Variants in CDC42BPB observed in about 807,000 individuals in gnomAD.
CDC42BPB encodes the protein CDC42 binding protein kinase beta, also known as serine/threonine-protein kinase MRCK beta.
In CDC42BPB, 37 loss-of-function variants were observed where a neutral mutation model predicts 214.9. The ratio of observed to expected loss-of-function variants is 0.17; its 90% confidence interval spans 0.13 to 0.23. CDC42BPB has a LOEUF of 0.23. Ranked by LOEUF, CDC42BPB falls within the 10% of genes least tolerant of loss-of-function variation. The pLI, the probability that CDC42BPB is intolerant of heterozygous loss-of-function variation, is 1.00. For synonymous variants in CDC42BPB, 931 were observed against 884.0 expected (o/e 1.05, Z -0.94); for missense variants, 1,694 against 2,227.0 (o/e 0.76, Z 4.82).
intron 1 of CDC42BPB, among the ~76,000 whole-genome samples, chr14:103,043,337 C>T (rs924014585): frequency 6.6e-6 from 1 of 152,160 alleles, no homozygotes. Flanking sequence ...GTCCACACAA[C>T]GGAGTACTAT....
intron 1 of CDC42BPB, among the ~76,000 whole-genome samples, chr14:103,047,733 G>A (rs1238718673): frequency 3.3e-5 from 5 of 151,896 alleles, no homozygotes; most frequent in African/African-American, 1.2e-4. Context: ...GTGAAACCCT[G>A]TCTCTACTAA....
rs1355965084 is a variant in CDC42BPB, at chr14:102,944,058, G to A, written c.4241C>T (p.Pro1414Leu). The part of the protein sequence containing the change: ...QPLNLVNPND[P>L]SLAFLSQQSF... ...CTGTTGTGAGAGGAACGCAAGCGAG[G>A]GGTCATTGGGATTTACCAGGTTTAG... The change falls in exon 30 of 37, where the codon CCC becomes CTC. Residue 1414 changes from proline (P) to leucine (L), a missense_variant. This residue lies in a region of CDC42BPB where 567 missense variants were observed against 790.3 expected (regional missense o/e 0.72). Coordinates refer to ENST00000361246, the MANE Select transcript of CDC42BPB (RefSeq NM_006035.4). This position sits in a 1 kb window ranked among gnomAD's most constrained non-coding sequence, Gnocchi z 6.6. 2 of 1,613,588 alleles carry A rather than the reference G, an allele frequency of 1.2e-6. No individual in the cohort carries two copies. The highest frequency in any genetic ancestry group is 1.7e-6 in the Non-Finnish European group (2 of 1,179,998).
At chr14:103,016,952 T>C (rs908348580) in intron 1 of CDC42BPB, among the ~76,000 whole-genome samples, 2 of 152,028 alleles carry the variant, frequency 1.3e-5, no homozygotes, top group African/African-American at 4.8e-5. Flanking sequence ...AACCGCAAGG[T>C]GAGCCTGCAG....
chr14:102,934,741 G>A (rs912323058), intron 36 of CDC42BPB, among the ~76,000 whole-genome samples: 2 of 152,052 alleles, frequency 1.3e-5, no homozygotes, highest in East Asian at 1.9e-4. Flanking sequence ...GCCGGGTGCG[G>A]TGGCTCACAC....
chr14:102,992,533 G>A (rs1394562063), intron 5 of CDC42BPB, among the ~76,000 whole-genome samples: 3 of 152,134 alleles, frequency 2.0e-5, no homozygotes, highest in Non-Finnish European at 4.4e-5. Context: ...CCCAGCCTGC[G>A]CTGACAGCAC....
chr14:103,034,659 A>T (rs553439283), intron 1 of CDC42BPB, among the ~76,000 whole-genome samples: 1 of 152,234 alleles, frequency 6.6e-6, no homozygotes, highest in South Asian at 2.1e-4. Context: ...TCTCTACTGA[A>T]AATACAAAAT....
At chr14:102,981,605 A>AC (rs1167659151) in intron 7 of CDC42BPB, among the ~76,000 whole-genome samples, 2 of 152,150 alleles carry the variant, frequency 1.3e-5, no homozygotes, top group East Asian at 3.9e-4. Flanking sequence ...ACAAGGTGAA[A>AC]CCCTGTCTCT....
Position 102,944,916 on chromosome 14 carries a change from C to G in CDC42BPB, c.3812-429G>C, listed in dbSNP as rs1309151200. 1.3e-5 allele frequency among the ~76,000 whole-genome samples: 2 copies of G among 152,230 alleles called. No homozygotes were observed. The highest frequency in any genetic ancestry group is 2.4e-5 in the African/African-American group (1 of 41,464). The stretch of plus-strand genomic sequence containing the variant: ...GGGACAAAGAGCTGTCCCCAACCCA[C>G]TGGGACCCTGAGACAAATCCTCTGA... On this transcript the variant is annotated intron_variant, in intron 29 of 36. Transcript: ENST00000361246. This position sits in a 1 kb window ranked among gnomAD's most constrained non-coding sequence, Gnocchi z 6.6.
intron 1 of CDC42BPB, among the ~76,000 whole-genome samples, chr14:103,050,116 A>G (rs917934087): frequency 3.9e-5 from 6 of 152,200 alleles, no homozygotes; most frequent in Non-Finnish European, 7.3e-5. Context: ...AGGCAACAGA[A>G]TATGAAGGCA....
intron 4 of CDC42BPB, among the ~76,000 whole-genome samples, chr14:103,003,509 C>A (rs557935358): frequency 3.9e-4 from 60 of 152,350 alleles, no homozygotes; most frequent in Non-Finnish European, 5.4e-4. Flanking sequence ...GGCACCCCCC[C>A]CACCGCGGGA....
Position 102,933,405 on chromosome 14 carries a change from T to C in CDC42BPB, c.*307A>G. The C allele has an allele frequency of 3.6e-6, 1 of 280,138 alleles. No individual in the cohort carries two copies. The highest frequency in any genetic ancestry group is 6.6e-6 in the Non-Finnish European group (1 of 150,798). 17.4% of individuals were successfully genotyped at this position (280,138 alleles called of 1,614,324 possible). ...TCATGACGGGTTTCTGCTGAGGAAG[T>C]GGTGTTGGCAGGGCCCCATATGCCC... On this transcript the variant is annotated 3_prime_UTR_variant, in exon 37 of 37. Transcript: ENST00000361246.
At chr14:103,052,171 T>G (rs950412656) in intron 1 of CDC42BPB, among the ~76,000 whole-genome samples, 4 of 152,204 alleles carry the variant, frequency 2.6e-5, no homozygotes, top group East Asian at 1.9e-4. Flanking sequence ...GGGTTGTTAA[T>G]GTTTAATGGT....
intron 1 of CDC42BPB, among the ~76,000 whole-genome samples, chr14:103,052,281 C>G (rs551769647): frequency 6.6e-6 from 1 of 152,322 alleles, no homozygotes; most frequent in East Asian, 1.9e-4. Flanking sequence ...TCATGCAATC[C>G]TAACATTTCC....
chr14:103,057,255 G>GGCGGCTGCGAGCCCCGGCAGCA lies in CDC42BPB; in HGVS notation c.-104_-83dup. 8.4e-7 allele frequency: 1 copy of GGCGGCTGCGAGCCCCGGCAGCA among 1,185,878 alleles called. No individual in the cohort carries two copies. The highest frequency in any genetic ancestry group is 4.2e-5 in the South Asian group (1 of 24,026). The allele number at this position is 1,185,878 out of a possible 1,614,324, so 73.5% of individuals were successfully genotyped here. A position where few individuals can be genotyped will look rare whatever the true frequency, so the allele number is the denominator to read the frequency against. ...CGTCAGGGCGCGCCCTCGGGGGCTC[G>GGCGGCTGCGAGCCCCGGCAGCA]GCGGCTGCGAGCCCCGGCAGCAGCG... On this transcript the variant is annotated 5_prime_UTR_variant, in exon 1 of 37. The change abolishes the stop of an existing upstream ORF in the 5' untranslated region. Coordinates refer to ENST00000361246, the MANE Select transcript of CDC42BPB (RefSeq NM_006035.4).
At chr14:103,056,632 G>T (rs986755668) in intron 1 of CDC42BPB, among the ~76,000 whole-genome samples, 9 of 149,836 alleles carry the variant, frequency 6.0e-5, no homozygotes, top group Non-Finnish European at 3.0e-5. Flanking sequence ...ATCCAGACTC[G>T]GAGGGTGGAT....
At chr14:103,018,286 T>C (rs539753407) in intron 1 of CDC42BPB, among the ~76,000 whole-genome samples, 1 of 152,306 alleles carries the variant, frequency 6.6e-6, no homozygotes, top group South Asian at 2.1e-4. Context: ...TGTGGTAAAG[T>C]ATTCAATGGC....
intron 21 of CDC42BPB, among the ~76,000 whole-genome samples, chr14:102,957,310 C>T (rs1892756347): frequency 6.6e-6 from 1 of 152,102 alleles, no homozygotes; most frequent in South Asian, 2.1e-4. Context: ...ATCTCTGCTG[C>T]CCACTCTCCA....
At chr14:102,978,089 G>A in intron 9 of CDC42BPB, 37 bp downstream of exon 9, 1 of 1,476,216 alleles carries the variant, frequency 6.8e-7, no homozygotes, top group Non-Finnish European at 9.5e-7. Flanking sequence ...TACCACAGGG[G>A]AAGTGTCTCC....
At chr14:102,973,098 T>C (rs1893560183) in intron 12 of CDC42BPB, among the ~76,000 whole-genome samples, 1 of 152,120 alleles carries the variant, frequency 6.6e-6, no homozygotes, top group Non-Finnish European at 1.5e-5. Flanking sequence ...TGGTCTGAGA[T>C]GGAAGTGACA....
Sources: allele counts gnomAD v4.1 joint callset (sites outside exome capture counted in the v4.1 genomes callset), GRCh38; gene constraint gnomAD v4.1.1; regional missense constraint gnomAD v4.1.1; non-coding constraint Gnocchi (gnomAD v3.1); transcripts MANE v1.5; gene names NCBI Gene and HGNC (gene_info 2026-07-23, HGNC 2026-07-21).